EPS15L1: variants seen among roughly 807,000 people sequenced by gnomAD.
The protein encoded by EPS15L1 is epidermal growth factor receptor substrate 15-like 1.
Under a neutral mutation model 117.1 loss-of-function variants are expected in EPS15L1, and 43 were observed. The ratio of observed to expected loss-of-function variants is 0.37; its 90% CI spans 0.29 to 0.47. The LOEUF (loss-of-function observed/expected upper bound fraction) is 0.47. Ranked by LOEUF, EPS15L1 falls within the 20% of genes least tolerant of loss-of-function variation. EPS15L1 has a pLI of 0.99. For synonymous variants in EPS15L1, 459 were observed against 470.5 expected, an observed-to-expected ratio of 0.98 and a Z score of 0.32; for missense variants, 981 against 1,164.0, an observed-to-expected ratio of 0.84 and a Z score of 2.29.
chr19:16,441,681 C>A, intron 3 of EPS15L1: 3 of 336,288 alleles, frequency 8.9e-6, no homozygotes, highest in East Asian at 5.1e-5. Flanking sequence ...CCCAAAAGTA[C>A]TCGGGTTTCT....
At chr19:16,393,659 A>C (rs533549577) in intron 18 of EPS15L1, among the ~76,000 whole-genome samples, 2 of 149,818 alleles carry the variant, frequency 1.3e-5, no homozygotes, top group Non-Finnish European at 3.0e-5. Flanking sequence ...AAAAAAAAAA[A>C]AAATAAAAAA....
rs756621961 is a variant in EPS15L1 at position 16,418,001 on chromosome 19, G to C, written c.1054C>G (p.Gln352Glu). The stretch of plus-strand genomic sequence containing the variant: ...GGGACCATGTCCGGCGAGAGGACTT[G>C]AGGAGGGTCGATGCCTTTACTGACC... ...QKVSKGIDPP[Q>E]VLSPDMVPPS... The change falls in exon 11 of 24, where the codon CAA (glutamine) becomes GAA (glutamate). Residue 352 changes from glutamine (Q) to glutamate (E), a missense_variant. Gln to Glu is a conservative substitution (Grantham distance 29, BLOSUM62 2). Coordinates refer to ENST00000455140, the MANE Select transcript of EPS15L1 (RefSeq NM_001258374.3). The C allele has an allele frequency of 6.2e-7, 1 of 1,614,238 alleles. No homozygotes were observed. The highest frequency in any genetic ancestry group is 1.1e-5 in the South Asian group (1 of 91,082).
chr19:16,443,989 G>A (rs1286031219), intron 1 of EPS15L1, among the ~76,000 whole-genome samples: 7 of 149,030 alleles, frequency 4.7e-5, no homozygotes, highest in African/African-American at 1.2e-4. Flanking sequence ...GCATTAATCC[G>A]GGAGGCAGAG....
intron 1 of EPS15L1, among the ~76,000 whole-genome samples, chr19:16,466,281 A>T (rs2093304271): frequency 6.6e-6 from 1 of 152,154 alleles, no homozygotes; most frequent in South Asian, 2.1e-4. Flanking sequence ...TACACTGAAG[A>T]TAATACTGGC....
intron 8 of EPS15L1, among the ~76,000 whole-genome samples, chr19:16,427,200 G>A (rs1416457380): frequency 6.6e-6 from 1 of 152,144 alleles, no homozygotes; most frequent in Non-Finnish European, 1.5e-5. Context: ...CAAGGGGGGA[G>A]GTCGCTTGAG....
rs1018518196 is a variant in EPS15L1, at chr19:16,371,844, A to C, written c.2380+5278T>G. ...CAGCGGTGAGCTCTGACTGATCTTG[A>C]TCTCCGGTCCGTTGCAGAAAATATA... On this transcript the variant is annotated intron_variant, in intron 22 of 23. Transcript: ENST00000455140. The surrounding 1 kb of genome is among the most constrained non-coding windows in gnomAD (Gnocchi z 4.7). Among the ~76,000 whole-genome samples the C allele has an allele frequency of 5.9e-5, 9 of 152,178 alleles. No individual in the cohort carries two copies. Among genetic ancestry groups the C allele is most frequent in the African/African-American group, 2.2e-4 (9 of 41,438 alleles).
intron 12 of EPS15L1, among the ~76,000 whole-genome samples, 160 bp from the exon 13 acceptor site, chr19:16,414,005 C>T (rs764895825): frequency 1.3e-5 from 2 of 152,166 alleles, no homozygotes; most frequent in African/African-American, 2.4e-5. Flanking sequence ...GTCCCTTCCC[C>T]GTCAACTGTA....
chr19:16,463,848 A>G (rs2093275762), intron 1 of EPS15L1, among the ~76,000 whole-genome samples: 1 of 152,246 alleles, frequency 6.6e-6, no homozygotes, highest in Non-Finnish European at 1.5e-5. Context: ...AGCTGATATG[A>G]AAAGGTGTAG....
At chr19:16,401,267 G>GA (rs2092598552) in intron 16 of EPS15L1, 1 of 985,404 alleles carries the variant, frequency 1.0e-6, no homozygotes, top group African/African-American at 1.7e-5. Flanking sequence ...CAGCCCAGGG[G>GA]ACGCGTGTGC....
chr19:16,403,673 C>T lies in EPS15L1; in HGVS notation c.1626+60G>A. 9.9e-6 allele frequency: 15 copies of T among 1,509,164 alleles called. 1 individual carries two copies. The South Asian group carries it at 1.7e-4, about 17-fold the overall frequency. 93.5% of individuals were successfully genotyped at this position (1,509,164 alleles called of 1,614,324 possible). A position where few individuals can be genotyped will look rare whatever the true frequency, so the allele number is the denominator to read the frequency against. The stretch of plus-strand genomic sequence containing the variant: ...AGCAAAGGAGTTCAGCAGTGGCAGC[C>T]TCGGCTCTTGGGGCTCGCTGGTCCC... On this transcript the variant is annotated intron_variant, in intron 15 of 23. Coordinates refer to ENST00000455140, the MANE Select transcript of EPS15L1 (RefSeq NM_001258374.3).
At chr19:16,415,282 C>T (rs1178768615) in intron 12 of EPS15L1, among the ~76,000 whole-genome samples, 2 of 152,142 alleles carry the variant, frequency 1.3e-5, no homozygotes, top group Admixed American at 6.6e-5. Flanking sequence ...TTTGCAGCCT[C>T]CAGAACTGTG....
chr19:16,426,935 T>C (rs2092878447), intron 8 of EPS15L1, among the ~76,000 whole-genome samples: 1 of 152,144 alleles, frequency 6.6e-6, no homozygotes, highest in South Asian at 2.1e-4. Context: ...GATTTTGAAG[T>C]GGATAATGGT....
At chr19:16,442,884 G>A (rs1005825951) in intron 1 of EPS15L1, among the ~76,000 whole-genome samples, 13 of 152,198 alleles carry the variant, frequency 8.5e-5, no homozygotes, top group Non-Finnish European at 1.5e-4. Context: ...TCCCCATCTA[G>A]GGTCACGCAG....
chr19:16,441,996 C>A lies in EPS15L1; in HGVS notation c.76-15G>T. ...GCCGGATCGACCTGAAATGGGAGAC[C>A]AAGAGGCAAAATAACTTTTCAGCAA... On this transcript the variant is annotated splice_polypyrimidine_tract_variant and intron_variant, in intron 2 of 23. Coordinates refer to ENST00000455140, the MANE Select transcript of EPS15L1 (RefSeq NM_001258374.3). 1 of 1,604,866 alleles carries A rather than the reference C, an allele frequency of 6.2e-7. No homozygotes were observed. The highest frequency in any genetic ancestry group is 8.5e-7 in the Non-Finnish European group (1 of 1,174,702).
chr19:16,376,016 G>A (rs183499458), intron 22 of EPS15L1, among the ~76,000 whole-genome samples: 3 of 152,350 alleles, frequency 2.0e-5, no homozygotes, highest in Admixed American at 2.0e-4. Context: ...CACAGGGGCT[G>A]CAAAGTGAGG....
rs745309076 is a variant in EPS15L1 at position 16,418,059 on chromosome 19, T to C, written c.996A>G (p.Gln332=). 14 of 1,614,104 alleles carry C rather than the reference T, an allele frequency of 8.7e-6. No individual in the cohort carries two copies. The highest frequency in any genetic ancestry group is 3.3e-5 in the Admixed American group (2 of 60,002). Residue 332 remains glutamine (Q), a synonymous_variant, in exon 11 of 24, where the codon CAA becomes CAG. Coordinates refer to ENST00000455140, the MANE Select transcript of EPS15L1 (RefSeq NM_001258374.3). ...TRQTGKLSKD[Q]FALAMYFIQQ... Reference sequence around the variant, plus strand: ...GAATGAAATACATAGCTAACGCGAATTGGTCTTTGCTTAACTTCCCCGTTT... The same window carrying C: ...GAATGAAATACATAGCTAACGCGAACTGGTCTTTGCTTAACTTCCCCGTTT...
rs1289633838 is a variant in EPS15L1, at chr19:16,355,703, G to A, written c.*2C>T. 7 of 1,535,290 alleles carry A rather than the reference G, an allele frequency of 4.6e-6. No individual in the cohort carries two copies. The highest frequency in any genetic ancestry group is 2.4e-5 in the East Asian group (1 of 40,906). On this transcript the variant is annotated 3_prime_UTR_variant, in exon 24 of 24. Transcript: ENST00000455140. ...CCTGTCCCGCCTACACACGGCCCTC[G>A]CCTAGGCGGCAGGCATGTCAGCCTT...
chr19:16,402,178 A>G (rs2092608094), intron 16 of EPS15L1, 143 bp downstream of exon 16: 4 of 1,454,798 alleles, frequency 2.7e-6, no homozygotes, highest in African/African-American at 1.4e-5. Context: ...GTGAACGCGC[A>G]AAGTGGCAGC....
chr19:16,395,527 C>T (rs920955338), intron 16 of EPS15L1, 60 bp from the exon 17 acceptor site: 12 of 1,521,300 alleles, frequency 7.9e-6, no homozygotes, highest in Admixed American at 1.7e-5. Flanking sequence ...AAGCAAAGTA[C>T]GGAATTCCAT....
Sources: gnomAD v4.1 joint callset for allele counts (sites outside exome capture counted in the v4.1 genomes callset) on GRCh38, gnomAD v4.1.1 for gene constraint, Gnocchi (gnomAD v3.1) non-coding constraint, MANE v1.5 for transcripts, NCBI Gene and HGNC (gene_info 2026-07-23, HGNC 2026-07-21) for gene names.